The following PRKN variants were observed in gnomAD, a reference collection of about 807,000 sequenced individuals.
PRKN encodes parkin RBR E3 ubiquitin protein ligase, also known as E3 ubiquitin-protein ligase parkin.
Under a neutral mutation model 59.5 loss-of-function variants are expected in PRKN, and 56 were observed. The ratio of observed to expected loss-of-function variants is 0.94; its 90% confidence interval spans 0.76 to 1.18. The LOEUF (loss-of-function observed/expected upper bound fraction) is 1.18, where lower values mean the gene tolerates loss of function less well. PRKN is among the 50% of genes most tolerant of loss of function. The probability of loss-of-function intolerance (pLI) is 0.00; values close to 1 mark genes in which losing one functional copy is unlikely to be tolerated. For synonymous variants in PRKN, 250 were observed against 222.1 expected (o/e 1.13, Z -1.12); for missense variants, 657 against 596.4 (o/e 1.10, Z -1.06).
intron 1 of PRKN, among the ~76,000 whole-genome samples, chr6:162,675,090 C>T (rs977250425): frequency 8.6e-5 from 13 of 151,516 alleles, no homozygotes; most frequent in African/African-American, 2.4e-4. Flanking sequence ...CTCTGTTGCC[C>T]GGCTGGAGTG....
chr6:162,349,202 T>C (rs1410266081), intron 2 of PRKN, among the ~76,000 whole-genome samples: 1 of 151,358 alleles, frequency 6.6e-6, no homozygotes, highest in African/African-American at 2.4e-5. Context: ...GCACGGTGGC[T>C]CACGCCTGTA....
intron 7 of PRKN, among the ~76,000 whole-genome samples, chr6:161,718,385 A>G (rs2128184525): frequency 6.6e-6 from 1 of 152,192 alleles, no homozygotes; most frequent in Non-Finnish European, 1.5e-5. Context: ...AGACTGATCC[A>G]GTGTGGAGGA....
chr6:162,709,604 G>A (rs1778455663), intron 1 of PRKN, among the ~76,000 whole-genome samples: 2 of 152,262 alleles, frequency 1.3e-5, no homozygotes, highest in Admixed American at 6.5e-5. Context: ...CAATATGCTG[G>A]TGCTCATGCT....
intron 5 of PRKN, among the ~76,000 whole-genome samples, chr6:161,999,390 A>T (rs1781963789): frequency 6.6e-6 from 1 of 152,094 alleles, no homozygotes; most frequent in Non-Finnish European, 1.5e-5. Context: ...CATGAAAAAG[A>T]GTGACTGTCC....
chr6:161,520,349 T>C (rs2115356432), intron 9 of PRKN, among the ~76,000 whole-genome samples: 1 of 151,806 alleles, frequency 6.6e-6, no homozygotes, highest in Admixed American at 6.6e-5. Flanking sequence ...CTCAGTCTCC[T>C]AAGTAGCTGG....
intron 2 of PRKN, among the ~76,000 whole-genome samples, chr6:162,359,079 A>AAAATATATAT (rs57265104): frequency 4.8e-5 from 4 of 83,248 alleles, no homozygotes; most frequent in African/African-American, 2.2e-4. Context: ...AAAAAAAAAA[A>AAAATATATAT]ATATATATAT....
At chr6:162,713,734 T>C (rs1275345943) in intron 1 of PRKN, among the ~76,000 whole-genome samples, 4 of 152,128 alleles carry the variant, frequency 2.6e-5, no homozygotes, top group South Asian at 2.1e-4. Context: ...GCTATACTTA[T>C]ACTGTTTTGT....
intron 6 of PRKN, among the ~76,000 whole-genome samples, chr6:161,845,626 C>T (rs1583238578): frequency 6.6e-6 from 1 of 152,210 alleles, no homozygotes; most frequent in East Asian, 1.9e-4. Context: ...AATGAAGACC[C>T]TAGGATTAAA....
At chr6:162,642,238 T>C (rs573286637) in intron 1 of PRKN, among the ~76,000 whole-genome samples, 1 of 152,270 alleles carries the variant, frequency 6.6e-6, no homozygotes, top group East Asian at 1.9e-4. Flanking sequence ...CATACCTTCC[T>C]AAAGCCACAT....
intron 9 of PRKN, among the ~76,000 whole-genome samples, chr6:161,512,686 T>C (rs994703218): frequency 3.9e-5 from 6 of 152,110 alleles, no homozygotes; most frequent in Admixed American, 3.3e-4. Flanking sequence ...TGTTGTGAGA[T>C]GATTGTTCTA....
chr6:161,586,472 C>T (rs1355073618), intron 7 of PRKN, among the ~76,000 whole-genome samples: 4 of 152,298 alleles, frequency 2.6e-5, no homozygotes, highest in South Asian at 2.1e-4. Context: ...ATGATGCAAG[C>T]GCTTATTCTG....
At chr6:162,189,245 A>T (rs1171999441) in intron 4 of PRKN, among the ~76,000 whole-genome samples, 3 of 151,740 alleles carry the variant, frequency 2.0e-5, no homozygotes, top group Non-Finnish European at 4.4e-5. Flanking sequence ...TCCTATTCTA[A>T]TTATCTTCTA....
rs1785469541 is a variant in PRKN at position 161,372,208 on chromosome 6, AGT to A, written c.1168-12005_1168-12004del. Among the ~76,000 whole-genome samples, 1 of 151,956 alleles carries A rather than the reference AGT, an allele frequency of 6.6e-6. No individual in the cohort carries two copies. Among genetic ancestry groups the A allele is most frequent in the African/African-American group, 2.4e-5 (1 of 41,338 alleles). Reference sequence around the variant, plus strand: ...TGCTTTGTGTTCAACTATTGTTACAAGTTGACATATGGGAAAAATCTACACTT... The same window carrying A: ...TGCTTTGTGTTCAACTATTGTTACAATGACATATGGGAAAAATCTACACTT... On this transcript the variant is annotated intron_variant, in intron 10 of 11. Transcript: ENST00000366898. The surrounding 1 kb of genome is among the most constrained non-coding windows in gnomAD (Gnocchi z 4.2).
intron 4 of PRKN, among the ~76,000 whole-genome samples, chr6:162,079,490 C>T (rs1466262425): frequency 6.6e-6 from 1 of 152,082 alleles, no homozygotes; most frequent in African/African-American, 2.4e-5. Context: ...TTTGTGCTGT[C>T]CTTCTCAGTT....
chr6:162,214,424 G>A (rs966590744), intron 3 of PRKN, among the ~76,000 whole-genome samples: 1 of 152,104 alleles, frequency 6.6e-6, no homozygotes, highest in Non-Finnish European at 1.5e-5. Context: ...GCAGCCACTG[G>A]TTACCTGTGG....
chr6:162,512,657 C>T (rs1459877965), intron 1 of PRKN, among the ~76,000 whole-genome samples: 1 of 152,158 alleles, frequency 6.6e-6, no homozygotes, highest in Non-Finnish European at 1.5e-5. Context: ...TGCACATCCA[C>T]AAAAGCAGTA....
chr6:162,526,166 T>C (rs1424209015), intron 1 of PRKN, among the ~76,000 whole-genome samples: 2 of 151,692 alleles, frequency 1.3e-5, no homozygotes, highest in African/African-American at 2.4e-5. Context: ...TAACATTCTG[T>C]TCATGAAATA....
At position 161,376,333 on chromosome 6, in the gene PRKN, C is replaced by T. The variant is rs994962414; in HGVS notation, c.1167+10461G>A. 6.6e-6 allele frequency among the ~76,000 whole-genome samples: 1 copy of T among 152,190 alleles called. No individual in the cohort carries two copies. The highest frequency in any genetic ancestry group is 1.5e-5 in the Non-Finnish European group (1 of 68,030). ...GGCATCCACTCCTTTCCCCACTGAACCCCTAGCTGAGATGTCCACAATGAA... is the reference window on the plus strand; with the variant it reads ...GGCATCCACTCCTTTCCCCACTGAATCCCTAGCTGAGATGTCCACAATGAA... On this transcript the variant is annotated intron_variant, in intron 10 of 11. Coordinates refer to ENST00000366898, the MANE Select transcript of PRKN (RefSeq NM_004562.3). This position sits in a 1 kb window ranked among gnomAD's most constrained non-coding sequence, Gnocchi z 7.3.
rs530657421 is a variant in PRKN, at chr6:162,389,290, C to G, written c.171+54020G>C. On this transcript the variant is annotated intron_variant, in intron 2 of 11. Coordinates refer to ENST00000366898, the MANE Select transcript of PRKN (RefSeq NM_004562.3). ...TGTTGAAAGAAGCCACCAAGAAGAG[C>G]TGGGGCACCGGTGGGTGCAGGTGAT... Among the ~76,000 whole-genome samples the G allele has an allele frequency of 2.0e-5, 3 of 152,172 alleles. No homozygotes were observed. The South Asian group carries it at 6.2e-4, about 32-fold the overall frequency.
Sources: allele counts gnomAD v4.1 joint callset (sites outside exome capture counted in the v4.1 genomes callset), GRCh38; gene constraint gnomAD v4.1.1; non-coding constraint Gnocchi (gnomAD v3.1); transcripts MANE v1.5; gene names NCBI Gene and HGNC (gene_info 2026-07-23, HGNC 2026-07-21).